Variants in NRXN3 observed in about 807,000 individuals in gnomAD.
NRXN3 encodes the protein neurexin 3.
A neutral mutation model predicts 137.6 loss-of-function variants in NRXN3; 32 were observed. The ratio of observed to expected loss-of-function variants is 0.23; its 90% CI spans 0.18 to 0.31. The LOEUF is 0.31. NRXN3 is among the 10% of genes least tolerant of loss of function. NRXN3 has a pLI of 1.00. For missense variants in NRXN3, 1,574 were observed against 2,062.5 expected (o/e 0.76, Z 4.59); for synonymous variants, 798 against 784.5 (o/e 1.02, Z -0.29).
intron 4 of NRXN3, among the ~76,000 whole-genome samples, chr14:78,435,772 C>T (rs996444316): frequency 6.6e-5 from 10 of 152,170 alleles, no homozygotes; most frequent in Admixed American, 1.3e-4. Flanking sequence ...CACACATCGA[C>T]GTCCAGGGAT....
At chr14:79,088,431 A>T (rs1228693136) in intron 15 of NRXN3, among the ~76,000 whole-genome samples, 1 of 149,368 alleles carries the variant, frequency 6.7e-6, no homozygotes, top group Non-Finnish European at 1.5e-5. Context: ...GAAAAGGATG[A>T]CAGCAAAGGT....
In NRXN3 at chr14:78,715,147, G is replaced by A. The variant is rs1352812635; in HGVS notation, c.2044+8G>A. ...GAAGAACCTGCGAAAGGGGTGAGTC[G>A]GCCTAGAGGATGGCAAGTGAGGGCC... On this transcript the variant is annotated splice_region_variant and intron_variant, in intron 8 of 20. Transcript: ENST00000335750. 6.9e-6 allele frequency: 11 copies of A among 1,599,484 alleles called. No individual in the cohort carries two copies. In the Admixed American group the frequency reaches 8.3e-5, roughly 12 times the overall value.
At chr14:79,011,693 A>G (rs1298962638) in intron 15 of NRXN3, among the ~76,000 whole-genome samples, 5 of 152,186 alleles carry the variant, frequency 3.3e-5, no homozygotes, top group African/African-American at 1.2e-4. Context: ...TTCCTCCTAC[A>G]GAGCGGGGCA....
In NRXN3 at chr14:78,723,581, AT is replaced by A. The variant is rs560552180; in HGVS notation, c.2044+8445del. On this transcript the variant is annotated intron_variant, in intron 8 of 20. Coordinates refer to ENST00000335750, the MANE Select transcript of NRXN3 (RefSeq NM_001330195.2). ...CTTTGGTCCCACTCGGAACATATGT[AT>A]TTACCTTCTCACCTTCTCTCTGTGC... Among the ~76,000 whole-genome samples, 15 of 152,168 alleles carry A rather than the reference AT, an allele frequency of 9.9e-5. No homozygotes were observed. The South Asian group carries it at 3.1e-3, about 32-fold the overall frequency.
At chr14:79,051,899 TG>T (rs1249902711) in intron 15 of NRXN3, among the ~76,000 whole-genome samples, 2 of 152,194 alleles carry the variant, frequency 1.3e-5, no homozygotes. Flanking sequence ...CTGGCTAAGA[TG>T]AACAAGTTTG....
At position 78,200,103 on chromosome 14, in the gene NRXN3, G is replaced by T. The variant is rs375932544; in HGVS notation, c.-704+29429G>T. On this transcript the variant is annotated intron_variant, in intron 1 of 20. Transcript: ENST00000335750. Reference sequence around the variant, plus strand: ...GGCAATGGGGTGCATCTCAGGAATAGTTTACTGTCAGAGTAGTGGTTGGAA... The same window carrying T: ...GGCAATGGGGTGCATCTCAGGAATATTTTACTGTCAGAGTAGTGGTTGGAA... 1.5e-4 allele frequency among the ~76,000 whole-genome samples: 23 copies of T among 152,328 alleles called. No individual in the cohort carries two copies. In the East Asian group the frequency reaches 4.1e-3, roughly 27 times the overall value.
At chr14:78,972,221 A>G (rs1025840234) in intron 14 of NRXN3, among the ~76,000 whole-genome samples, 5 of 152,244 alleles carry the variant, frequency 3.3e-5, no homozygotes, top group Non-Finnish European at 7.3e-5. Context: ...GTGGTTTCAC[A>G]ATTGCAGATG....
intron 4 of NRXN3, among the ~76,000 whole-genome samples, chr14:78,575,006 G>A: frequency 6.6e-6 from 1 of 152,276 alleles, no homozygotes; most frequent in East Asian, 1.9e-4. Flanking sequence ...GAATCATGAG[G>A]GTGGTTTCTG....
intron 15 of NRXN3, among the ~76,000 whole-genome samples, chr14:79,090,112 T>C (rs1261431226): frequency 3.3e-5 from 5 of 152,176 alleles, no homozygotes; most frequent in African/African-American, 1.2e-4. Flanking sequence ...GACTGTACTG[T>C]AACTTTGGAA....
chr14:79,017,849 G>A (rs552462899), intron 15 of NRXN3, among the ~76,000 whole-genome samples: 13 of 152,042 alleles, frequency 8.6e-5, no homozygotes, highest in East Asian at 5.8e-4. Flanking sequence ...CACCACACAC[G>A]GCAAATCTGT....
chr14:78,606,700 G>A (rs947127125), intron 4 of NRXN3, among the ~76,000 whole-genome samples: 2 of 152,270 alleles, frequency 1.3e-5, no homozygotes, highest in East Asian at 3.9e-4. Flanking sequence ...TCCTGATGAA[G>A]CCAGGGCTTT....
chr14:79,274,521 G>A (rs2079957402), intron 15 of NRXN3, among the ~76,000 whole-genome samples: 1 of 151,258 alleles, frequency 6.6e-6, no homozygotes, highest in Non-Finnish European at 1.5e-5. Flanking sequence ...AAGCTTAGTG[G>A]AGATCTGATA....
rs199522111 is a variant in NRXN3 at position 79,704,765 on chromosome 14, A to G, written c.4014+6828A>G. Reference sequence around the variant, plus strand: ...CTTTCTTTTTCCCTCTTAGAGAATAATTTGGGGGGAGAGAAATTGCACTCT... The same window carrying G: ...CTTTCTTTTTCCCTCTTAGAGAATAGTTTGGGGGGAGAGAAATTGCACTCT... On this transcript the variant is annotated intron_variant, in intron 19 of 20. Transcript: ENST00000335750. Among the ~76,000 whole-genome samples, 47 of 152,186 alleles carry G rather than the reference A, an allele frequency of 3.1e-4. No homozygotes were observed. In the East Asian group the frequency reaches 8.2e-3, roughly 26 times the overall value.
chr14:78,904,700 C>T (rs1273807059), intron 10 of NRXN3, among the ~76,000 whole-genome samples: 2 of 151,996 alleles, frequency 1.3e-5, no homozygotes, highest in Non-Finnish European at 2.9e-5. Context: ...TAATTTCTCC[C>T]TCTGTGGCTT....
chr14:78,458,038 A>G (rs931881668), intron 4 of NRXN3, among the ~76,000 whole-genome samples: 6 of 152,166 alleles, frequency 3.9e-5, no homozygotes, highest in African/African-American at 1.4e-4. Flanking sequence ...CTGCAGAGAG[A>G]GAAGACCTTA....
intron 15 of NRXN3, among the ~76,000 whole-genome samples, chr14:79,368,574 C>G (rs1385434695): frequency 1.3e-5 from 2 of 152,170 alleles, no homozygotes; most frequent in Non-Finnish European, 2.9e-5. Context: ...TGCATAGCAT[C>G]TTTGAATTCC....
At chr14:79,235,749 C>A (rs2073245949) in intron 15 of NRXN3, among the ~76,000 whole-genome samples, 1 of 151,958 alleles carries the variant, frequency 6.6e-6, no homozygotes, top group African/African-American at 2.4e-5. Flanking sequence ...TTACTCAAGC[C>A]TTATTGAAAG....
intron 8 of NRXN3, among the ~76,000 whole-genome samples, chr14:78,783,688 T>G (rs2153034704): frequency 6.6e-6 from 1 of 152,238 alleles, no homozygotes; most frequent in East Asian, 1.9e-4. Flanking sequence ...TTTAAAACAA[T>G]TAAAAAATGA....
At chr14:78,746,563 C>T (rs1182847034) in intron 8 of NRXN3, among the ~76,000 whole-genome samples, 5 of 152,246 alleles carry the variant, frequency 3.3e-5, no homozygotes, top group South Asian at 2.1e-4. Flanking sequence ...TCCCTGAACA[C>T]GGAGGAAATT....
Sources: allele counts gnomAD v4.1 joint callset (sites outside exome capture counted in the v4.1 genomes callset), GRCh38; gene constraint gnomAD v4.1.1; transcripts MANE v1.5; gene names NCBI Gene and HGNC (gene_info 2026-07-23, HGNC 2026-07-21).